FSTL5: variants seen among roughly 807,000 people sequenced by gnomAD.
The protein encoded by FSTL5 is follistatin like 5.
In FSTL5, 62 loss-of-function variants were observed where a neutral mutation model predicts 89.1. The ratio of observed to expected loss-of-function variants is 0.70; its 90% CI spans 0.57 to 0.86. The LOEUF (loss-of-function observed/expected upper bound fraction) is 0.86, where lower values mean the gene tolerates loss of function less well. FSTL5 is among the 40% of genes least tolerant of loss of function. The pLI is 0.00. For synonymous variants in FSTL5, 383 were observed against 346.2 expected (o/e 1.11, Z -1.18); for missense variants, 1,057 against 1,001.6 (o/e 1.06, Z -0.75).
At chr4:161,442,291 G>A (rs1732800371) in intron 15 of FSTL5, among the ~76,000 whole-genome samples, 1 of 151,770 alleles carries the variant, frequency 6.6e-6, no homozygotes, top group Admixed American at 6.6e-5. Flanking sequence ...TAGAAAATGT[G>A]AATTTCTATG....
chr4:161,785,753 T>A (rs1266896303), intron 4 of FSTL5, among the ~76,000 whole-genome samples: 1 of 152,174 alleles, frequency 6.6e-6, no homozygotes. Flanking sequence ...AGATTGAGGT[T>A]CAGGTTAATT....
chr4:162,022,383 T>C (rs1025925625), intron 3 of FSTL5, among the ~76,000 whole-genome samples: 2 of 151,924 alleles, frequency 1.3e-5, no homozygotes, highest in Admixed American at 1.3e-4. Context: ...CTGTATATAA[T>C]TTACATATAT....
chr4:161,867,614 C>T (rs1732133594), intron 4 of FSTL5, among the ~76,000 whole-genome samples: 1 of 151,368 alleles, frequency 6.6e-6, no homozygotes, highest in Admixed American at 6.6e-5. Context: ...TTAAATATTA[C>T]TTGTGTAAAA....
At chr4:161,403,961 T>C (rs781748568) in intron 15 of FSTL5, among the ~76,000 whole-genome samples, 10 of 152,194 alleles carry the variant, frequency 6.6e-5, no homozygotes, top group Non-Finnish European at 8.8e-5. Context: ...GGCATTTCAA[T>C]TTCGCCTAGC....
intron 3 of FSTL5, among the ~76,000 whole-genome samples, chr4:162,000,803 A>G (rs755226654): frequency 1.3e-5 from 2 of 152,106 alleles, no homozygotes; most frequent in Admixed American, 6.6e-5. Flanking sequence ...ACTATCTTAC[A>G]TGGATTGGGG....
At chr4:162,023,102 C>G (rs1258440720) in intron 3 of FSTL5, among the ~76,000 whole-genome samples, 1 of 152,078 alleles carries the variant, frequency 6.6e-6, no homozygotes, top group Admixed American at 6.6e-5. Context: ...AAAGAGACCT[C>G]TCATGGTCTC....
intron 12 of FSTL5, among the ~76,000 whole-genome samples, chr4:161,483,013 A>G (rs1258480818): frequency 6.6e-6 from 1 of 152,220 alleles, no homozygotes; most frequent in East Asian, 1.9e-4. Context: ...AATTCTATGT[A>G]CCATGGCCAT....
chr4:161,741,253 T>A (rs1740018446), intron 6 of FSTL5, among the ~76,000 whole-genome samples: 1 of 152,178 alleles, frequency 6.6e-6, no homozygotes, highest in Non-Finnish European at 1.5e-5. Flanking sequence ...GCTAATTAAC[T>A]GACCTTCAGA....
chr4:162,073,897 G>A (rs976506000), intron 2 of FSTL5, among the ~76,000 whole-genome samples: 3 of 151,688 alleles, frequency 2.0e-5, no homozygotes, highest in Non-Finnish European at 4.4e-5. Flanking sequence ...CATTTTAAAA[G>A]TAAATTAAAT....
At chr4:161,612,872 T>A (rs541484861) in intron 7 of FSTL5, among the ~76,000 whole-genome samples, 1 of 152,298 alleles carries the variant, frequency 6.6e-6, no homozygotes, top group Admixed American at 6.5e-5. Flanking sequence ...CAAGATTGAA[T>A]GATTTAATTT....
chr4:161,925,272 C>T (rs551736853), intron 3 of FSTL5, among the ~76,000 whole-genome samples: 64 of 151,968 alleles, frequency 4.2e-4, no homozygotes, highest in African/African-American at 1.5e-3. Context: ...TATTTACATA[C>T]TCTAGAAATA....
chr4:161,469,982 C>T (rs1296462638), intron 13 of FSTL5, among the ~76,000 whole-genome samples: 1 of 152,088 alleles, frequency 6.6e-6, no homozygotes, highest in African/African-American at 2.4e-5. Context: ...TCTCTATATA[C>T]ATTGGATAGT....
At chr4:161,508,036 T>C (rs1244435998) in intron 11 of FSTL5, among the ~76,000 whole-genome samples, 1 of 151,950 alleles carries the variant, frequency 6.6e-6, no homozygotes, top group Admixed American at 6.6e-5. Context: ...ATCTCAGAAA[T>C]ATGTAGCTCA....
At chr4:161,865,074 A>G (rs189451074) in intron 4 of FSTL5, among the ~76,000 whole-genome samples, 13 of 152,238 alleles carry the variant, frequency 8.5e-5, no homozygotes, top group African/African-American at 2.6e-4. Context: ...ATGCATTTAT[A>G]TAAATGGACC....
At chr4:161,728,059 G>A (rs1163576500) in intron 6 of FSTL5, among the ~76,000 whole-genome samples, 2 of 152,104 alleles carry the variant, frequency 1.3e-5, no homozygotes, top group Non-Finnish European at 2.9e-5. Context: ...AATGTCATGG[G>A]TAAGAAAGAA....
chr4:161,958,522 C>T (rs1254994120), intron 3 of FSTL5, among the ~76,000 whole-genome samples: 1 of 152,034 alleles, frequency 6.6e-6, no homozygotes, highest in Admixed American at 6.6e-5. Context: ...TTGTTTATTA[C>T]TTTTTAAGTT....
intron 13 of FSTL5, among the ~76,000 whole-genome samples, chr4:161,469,780 G>A (rs978695084): frequency 4.6e-5 from 7 of 151,896 alleles, no homozygotes; most frequent in Non-Finnish European, 1.0e-4. Context: ...TGGGACTACA[G>A]GCGCCCACCA....
intron 7 of FSTL5, among the ~76,000 whole-genome samples, chr4:161,599,088 T>C (rs1734140278): frequency 6.6e-6 from 1 of 152,036 alleles, no homozygotes; most frequent in South Asian, 2.1e-4. Flanking sequence ...CCATTATCTG[T>C]AACTGATAAA....
At chr4:162,138,885 T>TA (rs1732617887) in intron 1 of FSTL5, among the ~76,000 whole-genome samples, 1 of 152,000 alleles carries the variant, frequency 6.6e-6, no homozygotes, top group African/African-American at 2.4e-5. Flanking sequence ...AGAATGCCAA[T>TA]AAAAAATATG....
Sources: allele counts gnomAD v4.1 joint callset (sites outside exome capture counted in the v4.1 genomes callset), GRCh38; gene constraint gnomAD v4.1.1; transcripts MANE v1.5; gene names NCBI Gene and HGNC (gene_info 2026-07-23, HGNC 2026-07-21).